ZNRF3: variants seen among roughly 807,000 people sequenced by gnomAD.
ZNRF3 encodes zinc and ring finger 3, also known as E3 ubiquitin-protein ligase ZNRF3.
In ZNRF3, 23 loss-of-function variants were observed where a neutral mutation model predicts 72.5. The ratio of observed to expected loss-of-function variants is 0.32; its 90% confidence interval spans 0.23 to 0.45. ZNRF3 has a LOEUF of 0.45. Ranked by LOEUF, ZNRF3 falls within the 20% of genes least tolerant of loss-of-function variation. The pLI, the probability that ZNRF3 is intolerant of heterozygous loss-of-function variation, is 1.00. For synonymous variants in ZNRF3, 610 were observed against 545.3 expected (o/e 1.12, Z -1.65); for missense variants, 1,169 against 1,272.1 (o/e 0.92, Z 1.23).
Position 29,011,784 on chromosome 22 carries a change from T to G in ZNRF3, c.426+24583T>G, listed in dbSNP as rs568567455. ...ACAGCCTGAATGTAAATCCTCCCGC[T>G]GGGGAATGGCACTTTGGCAAATGAA... On this transcript the variant is annotated intron_variant, in intron 2 of 8. Coordinates refer to ENST00000544604, the MANE Select transcript of ZNRF3 (RefSeq NM_001206998.2). Among the ~76,000 whole-genome samples the G allele has an allele frequency of 1.7e-4, 26 of 152,344 alleles. No individual in the cohort carries two copies. In the East Asian group the frequency reaches 5.0e-3, roughly 29 times the overall value.
At chr22:28,909,530 G>A (rs769889565) in intron 1 of ZNRF3, among the ~76,000 whole-genome samples, 4 of 151,780 alleles carry the variant, frequency 2.6e-5, no homozygotes, top group Non-Finnish European at 4.4e-5. Context: ...TATCTTCCTA[G>A]AAATGTAGTT....
intron 2 of ZNRF3, among the ~76,000 whole-genome samples, chr22:29,029,017 A>G (rs1279985279): frequency 1.3e-5 from 2 of 152,340 alleles, no homozygotes; most frequent in East Asian, 3.9e-4. Flanking sequence ...CTGGAGGCAC[A>G]GTGCACTGGC....
intron 1 of ZNRF3, among the ~76,000 whole-genome samples, chr22:28,896,297 G>A (rs2033997403): frequency 6.6e-6 from 1 of 152,130 alleles, no homozygotes; most frequent in Non-Finnish European, 1.5e-5. Context: ...ACCACGCCTG[G>A]CTAATTTTTG....
intron 2 of ZNRF3, among the ~76,000 whole-genome samples, chr22:28,999,831 C>A (rs996555016): frequency 6.6e-6 from 1 of 152,154 alleles, no homozygotes; most frequent in African/African-American, 2.4e-5. Flanking sequence ...GAGAGCACCA[C>A]ACCCCTAACC....
In ZNRF3 at chr22:29,048,535, T is replaced by G. The variant is rs1191140423; in HGVS notation, c.1015+44T>G. 3 of 1,583,170 alleles carry G rather than the reference T, an allele frequency of 1.9e-6. No individual in the cohort carries two copies. The South Asian group carries it at 3.3e-5, about 18-fold the overall frequency. ...AGCCATTGCTGAAGAGTCAAGTGCC[T>G]AGCTAGAGTGTGACACACACCGCAG... On this transcript the variant is annotated intron_variant, in intron 7 of 8. Transcript: ENST00000544604. This position sits in a 1 kb window ranked among gnomAD's most constrained non-coding sequence, Gnocchi z 4.9.
intron 2 of ZNRF3, among the ~76,000 whole-genome samples, chr22:29,036,320 T>C (rs2036867523): frequency 6.6e-6 from 1 of 152,184 alleles, no homozygotes; most frequent in African/African-American, 2.4e-5. Context: ...TTATCTGTCC[T>C]TTGGCTAAGG....
At chr22:29,032,694 C>T (rs1308600806) in intron 2 of ZNRF3, among the ~76,000 whole-genome samples, 1 of 152,198 alleles carries the variant, frequency 6.6e-6, no homozygotes, top group Non-Finnish European at 1.5e-5. Context: ...TTGATGCTAA[C>T]CCCTAGGGCA....
chr22:28,983,620 C>T (rs2035804951), intron 1 of ZNRF3, among the ~76,000 whole-genome samples: 1 of 152,200 alleles, frequency 6.6e-6, no homozygotes, highest in Non-Finnish European at 1.5e-5. Context: ...TCTACCATGG[C>T]CTTAAGTCTT....
intron 3 of ZNRF3, 137 bp from the exon 4 acceptor site, chr22:29,043,162 G>A: frequency 1.1e-6 from 1 of 943,054 alleles, no homozygotes; most frequent in Non-Finnish European, 1.5e-6. Flanking sequence ...TCTTCTGGGA[G>A]CTCCAAGGCT....
intron 1 of ZNRF3, among the ~76,000 whole-genome samples, chr22:28,967,276 C>T (rs562006749): frequency 1.3e-5 from 2 of 152,296 alleles, no homozygotes; most frequent in African/African-American, 2.4e-5. Context: ...CAGTTGACTA[C>T]AGTACAGTAA....
chr22:28,899,652 T>C (rs948175955), intron 1 of ZNRF3, among the ~76,000 whole-genome samples: 2 of 152,038 alleles, frequency 1.3e-5, no homozygotes, highest in Non-Finnish European at 2.9e-5. Context: ...TGTGCTCAGA[T>C]AGCATGAGTT....
intron 1 of ZNRF3, among the ~76,000 whole-genome samples, chr22:28,908,874 G>A (rs560281385): frequency 2.1e-4 from 32 of 152,210 alleles, no homozygotes; most frequent in Non-Finnish European, 4.1e-4. Flanking sequence ...TGAGGGCCTG[G>A]TGTCTCCGTT....
intron 1 of ZNRF3, among the ~76,000 whole-genome samples, chr22:28,938,468 G>A (rs769443849): frequency 6.6e-6 from 1 of 152,150 alleles, no homozygotes; most frequent in Admixed American, 6.5e-5. Flanking sequence ...AGCACTTAGC[G>A]TGTATTATCT....
rs1020785918 is a variant in ZNRF3, at chr22:29,048,198, G to A, written c.913-191G>A. On this transcript the variant is annotated intron_variant, in intron 6 of 8. Coordinates refer to ENST00000544604, the MANE Select transcript of ZNRF3 (RefSeq NM_001206998.2). This position sits in a 1 kb window ranked among gnomAD's most constrained non-coding sequence, Gnocchi z 4.9. ...GGACTGTGGATGGGGCTGACTGCTG[G>A]CAGTTTCCTTCTTCCTAGAACACAT... Among the ~76,000 whole-genome samples the A allele has an allele frequency of 6.6e-6, 1 of 152,194 alleles. No individual in the cohort carries two copies. Among genetic ancestry groups the A allele is most frequent in the African/African-American group, 2.4e-5 (1 of 41,448 alleles).
chr22:28,949,529 C>G (rs1050714757), intron 1 of ZNRF3, among the ~76,000 whole-genome samples: 13 of 152,190 alleles, frequency 8.5e-5, no homozygotes, highest in Admixed American at 3.9e-4. Flanking sequence ...ATCTTTCCAC[C>G]TTGACCCCAC....
intron 2 of ZNRF3, among the ~76,000 whole-genome samples, chr22:29,040,282 T>G (rs988029179): frequency 6.6e-6 from 1 of 151,596 alleles, no homozygotes; most frequent in African/African-American, 2.4e-5. Context: ...CAGGCTCAAG[T>G]GATTCTCCTG....
At chr22:29,041,107 A>G (rs1167864295) in intron 2 of ZNRF3, among the ~76,000 whole-genome samples, 1 of 152,156 alleles carries the variant, frequency 6.6e-6, no homozygotes, top group African/African-American at 2.4e-5. Flanking sequence ...CTTCCCTAAC[A>G]AGATTCAGGC....
At chr22:28,984,236 T>C (rs756300156) in intron 1 of ZNRF3, among the ~76,000 whole-genome samples, 1 of 152,206 alleles carries the variant, frequency 6.6e-6, no homozygotes, top group African/African-American at 2.4e-5. Context: ...TTGTGCAATC[T>C]TCACCACCAT....
chr22:29,050,381 T>C lies in ZNRF3; in HGVS notation c.2200T>C (p.Phe734Leu), dbSNP rs1184320674. The part of the protein sequence containing the change: ...SAGAAGSSTL[F>L]LGPHLYEGSG... ...CGGAGCAGCTGGCAGCAGCACCTTG[T>C]TCCTGGGGCCCCACCTCTACGAGGG... Residue 734 changes from phenylalanine (F) to leucine (L), a missense_variant, in exon 8 of 9, where the codon TTC becomes CTC. Coordinates refer to ENST00000544604, the MANE Select transcript of ZNRF3 (RefSeq NM_001206998.2). 4 of 1,604,130 alleles carry C rather than the reference T, an allele frequency of 2.5e-6. No homozygotes were observed. The highest frequency in any genetic ancestry group is 1.3e-5 in the African/African-American group (1 of 74,760).
Sources: allele counts gnomAD v4.1 joint callset (sites outside exome capture counted in the v4.1 genomes callset), GRCh38; gene constraint gnomAD v4.1.1; non-coding constraint Gnocchi (gnomAD v3.1); transcripts MANE v1.5; gene names NCBI Gene and HGNC (gene_info 2026-07-23, HGNC 2026-07-21).